The following PTPRD variants were observed in gnomAD, a reference collection of about 807,000 sequenced individuals.
PTPRD encodes protein tyrosine phosphatase receptor type D.
In PTPRD, 34 loss-of-function variants were observed where a neutral mutation model predicts 214.5. The ratio of observed to expected loss-of-function variants is 0.16; its 90% confidence interval spans 0.12 to 0.21. The LOEUF (loss-of-function observed/expected upper bound fraction) is 0.21, where lower values mean the gene tolerates loss of function less well. Ranked by LOEUF, PTPRD falls within the 10% of genes least tolerant of loss-of-function variation. The pLI is 1.00. For missense variants in PTPRD, 2,545 were observed against 2,398.7 expected, an observed-to-expected ratio of 1.06 and a Z score of -1.27; for synonymous variants, 1,128 against 845.7, an observed-to-expected ratio of 1.33 and a Z score of -5.79.
At chr9:9,305,950 C>T (rs754717191) in intron 9 of PTPRD, among the ~76,000 whole-genome samples, 48 of 151,966 alleles carry the variant, frequency 3.2e-4, no homozygotes, top group Non-Finnish European at 5.4e-4. Context: ...ATCTTTTAGC[C>T]TTCAGAATGT....
At chr9:8,889,237 G>C (rs183212655) in intron 11 of PTPRD, among the ~76,000 whole-genome samples, 1 of 152,246 alleles carries the variant, frequency 6.6e-6, no homozygotes, top group African/African-American at 2.4e-5. Flanking sequence ...GAAATACAGA[G>C]AGATGGTAGA....
intron 12 of PTPRD, among the ~76,000 whole-genome samples, chr9:8,692,392 G>C (rs2097826368): frequency 6.6e-6 from 1 of 152,096 alleles, no homozygotes; most frequent in African/African-American, 2.4e-5. Flanking sequence ...TGGACCTCCT[G>C]TCTTCAGAAG....
At chr9:9,437,214 C>A (rs980243406) in intron 8 of PTPRD, among the ~76,000 whole-genome samples, 1 of 152,168 alleles carries the variant, frequency 6.6e-6, no homozygotes, top group Non-Finnish European at 1.5e-5. Context: ...AGCTCTTCCA[C>A]ATAACAGATT....
chr9:8,439,675 G>T (rs564769741), intron 34 of PTPRD, among the ~76,000 whole-genome samples: 8 of 152,054 alleles, frequency 5.3e-5, no homozygotes, highest in Non-Finnish European at 1.2e-4. Context: ...AGAAAACAAT[G>T]ACCAAGGATC....
At chr9:9,385,041 G>A (rs1183808521) in intron 9 of PTPRD, among the ~76,000 whole-genome samples, 1 of 152,034 alleles carries the variant, frequency 6.6e-6, no homozygotes, top group African/African-American at 2.4e-5. Context: ...TTGGGCAATA[G>A]GAAATTTATT....
chr9:9,114,863 C>T (rs2099810803), intron 10 of PTPRD, among the ~76,000 whole-genome samples: 1 of 152,042 alleles, frequency 6.6e-6, no homozygotes, highest in South Asian at 2.1e-4. Flanking sequence ...TGGAAGCTCC[C>T]ATGCAGATTA....
chr9:8,846,643 A>G (rs2097702623), intron 11 of PTPRD, among the ~76,000 whole-genome samples: 1 of 152,178 alleles, frequency 6.6e-6, no homozygotes, highest in Admixed American at 6.6e-5. Context: ...GAGAGAGAGC[A>G]TGCTCAAAAT....
chr9:10,315,933 T>C (rs1388395825), intron 3 of PTPRD, among the ~76,000 whole-genome samples: 1 of 151,890 alleles, frequency 6.6e-6, no homozygotes, highest in Non-Finnish European at 1.5e-5. Context: ...TGATTTTCTC[T>C]AGGTTTATCA....
chr9:9,477,991 T>A (rs1455765464), intron 8 of PTPRD, among the ~76,000 whole-genome samples: 1 of 152,214 alleles, frequency 6.6e-6, no homozygotes, highest in African/African-American at 2.4e-5. Context: ...GTCTCAAAAA[T>A]TTAATAACAG....
intron 5 of PTPRD, among the ~76,000 whole-genome samples, chr9:9,776,057 G>C (rs992628202): frequency 1.3e-5 from 2 of 149,504 alleles, no homozygotes. Context: ...GCACTTTCTA[G>C]TAAAAGATTT....
chr9:8,960,725 T>C (rs930222547), intron 11 of PTPRD, among the ~76,000 whole-genome samples: 1 of 152,146 alleles, frequency 6.6e-6, no homozygotes, highest in African/African-American at 2.4e-5. Context: ...TCTAGCTTAA[T>C]CCTGACATTC....
At chr9:9,062,556 T>TTATCTATCTATC (rs33937021) in intron 10 of PTPRD, among the ~76,000 whole-genome samples, 1 of 149,546 alleles carries the variant, frequency 6.7e-6, no homozygotes, top group African/African-American at 2.5e-5. Context: ...TCTCCATATA[T>TTATCTATCTATC]TATCTATCTA....
chr9:8,426,873 A>G (rs925040366), intron 35 of PTPRD, among the ~76,000 whole-genome samples: 2 of 151,954 alleles, frequency 1.3e-5, no homozygotes, highest in Admixed American at 1.3e-4. Flanking sequence ...TTGGAACTTG[A>G]GAAATTACTT....
At chr9:10,187,353 G>T (rs1236178800) in intron 3 of PTPRD, among the ~76,000 whole-genome samples, 5 of 152,078 alleles carry the variant, frequency 3.3e-5, no homozygotes, top group African/African-American at 1.2e-4. Flanking sequence ...CATCTACATT[G>T]CCTAGATATA....
intron 5 of PTPRD, among the ~76,000 whole-genome samples, chr9:9,919,425 C>G (rs867838659): frequency 6.6e-6 from 1 of 152,106 alleles, no homozygotes; most frequent in Non-Finnish European, 1.5e-5. Flanking sequence ...TTTGCAGAAG[C>G]TTTTCAGACA....
In PTPRD at chr9:8,389,407, C is replaced by A. The variant is rs2135670293; in HGVS notation, c.4211G>T (p.Gly1404Val). ...HSRVLLSAIE[G>V]IPGSDYVNAN... is the part of the protein sequence containing the mutation. ...ATTCACATAGTCACTTCCTGGGATC[C>A]CTGGAAAACAAGGAGTGTTATTCAA... Residue 1404 changes from glycine to valine, a missense_variant and splice_region_variant, in exon 37 of 46, where the codon GGG becomes GTG. Gly to Val is a moderately radical substitution (Grantham distance 109). Coordinates refer to ENST00000381196, the MANE Select transcript of PTPRD (RefSeq NM_002839.4). The A allele has an allele frequency of 6.2e-7, 1 of 1,605,106 alleles. No individual in the cohort carries two copies. The highest frequency in any genetic ancestry group is 8.5e-7 in the Non-Finnish European group (1 of 1,175,790).
chr9:9,420,089 T>A (rs1194162152), intron 8 of PTPRD, among the ~76,000 whole-genome samples: 1 of 111,592 alleles, frequency 9.0e-6, no homozygotes, highest in Non-Finnish European at 1.9e-5. Flanking sequence ...ATGCACATAG[T>A]GTAATGACTA....
At position 9,606,197 on chromosome 9, in the gene PTPRD, C is replaced by G. The variant is rs1424865961; in HGVS notation, c.-286-31416G>C. ...GTAGGTGTCATTACACTCGGTCAAA[C>G]TTACTATTAAATGCCTAATAGACTT... On this transcript the variant is annotated intron_variant, in intron 7 of 45. Transcript: ENST00000381196. Among the ~76,000 whole-genome samples, 4 of 152,080 alleles carry G rather than the reference C, an allele frequency of 2.6e-5. No homozygotes were observed. The East Asian group carries it at 7.7e-4, about 29-fold the overall frequency.
chr9:9,708,969 A>G (rs368343843), intron 7 of PTPRD, among the ~76,000 whole-genome samples: 2 of 152,016 alleles, frequency 1.3e-5, no homozygotes, highest in East Asian at 1.9e-4. Flanking sequence ...TACATTATAT[A>G]GCATCAATTA....
Sources: gnomAD v4.1 joint callset for allele counts (sites outside exome capture counted in the v4.1 genomes callset) on GRCh38, gnomAD v4.1.1 for gene constraint, MANE v1.5 for transcripts, NCBI Gene and HGNC (gene_info 2026-07-23, HGNC 2026-07-21) for gene names.